The following APPL1 variants were observed in gnomAD, a reference collection of about 807,000 sequenced individuals.
APPL1 encodes adaptor protein, phosphotyrosine interacting with PH domain and leucine zipper 1.
APPL1 carries 42 observed loss-of-function variants against 106.8 expected under a neutral mutation model. That is an observed-to-expected ratio of 0.39 (90% confidence interval 0.31 to 0.51). APPL1 has a LOEUF of 0.51. Among genes scored for constraint, APPL1 ranks in the 20% least tolerant of loss-of-function variants. The pLI is 0.75. For missense variants in APPL1, 769 were observed against 858.2 expected, an observed-to-expected ratio of 0.90 and a Z score of 1.30; for synonymous variants, 263 against 281.8, an observed-to-expected ratio of 0.93 and a Z score of 0.67.
At chr3:57,266,538 A>G (rs377744004) in intron 19 of APPL1, among the ~76,000 whole-genome samples, 1 of 152,250 alleles carries the variant, frequency 6.6e-6, no homozygotes, top group East Asian at 1.9e-4. Flanking sequence ...ATCAATTGTA[A>G]TGTCACCTTT....
At chr3:57,251,969 T>C (rs980373739) in intron 11 of APPL1, among the ~76,000 whole-genome samples, 2 of 152,114 alleles carry the variant, frequency 1.3e-5, no homozygotes, top group Non-Finnish European at 2.9e-5. Flanking sequence ...ATATGATAAG[T>C]TGAAATGCAT....
At chr3:57,233,790 T>A (rs1373523579) in intron 1 of APPL1, among the ~76,000 whole-genome samples, 2 of 151,854 alleles carry the variant, frequency 1.3e-5, no homozygotes, top group Admixed American at 6.6e-5. Context: ...GAAAAAAAAA[T>A]TTTTGGCCAT....
chr3:57,251,763 G>A (rs1310599342), intron 11 of APPL1, among the ~76,000 whole-genome samples: 1 of 151,848 alleles, frequency 6.6e-6, no homozygotes, highest in African/African-American at 2.4e-5. Flanking sequence ...CATTCCTGGT[G>A]TGATGCAAAA....
Position 57,227,882 on chromosome 3 carries a change from C to T in APPL1, c.-2C>T, listed in dbSNP as rs1453847588. ...TCCTGCCACCGCCCTCCCTCCGCCA[C>T]GATGCCGGGGATCGACAAGCTGCCC... On this transcript the variant is annotated 5_prime_UTR_variant, in exon 1 of 22. The change creates a new upstream start codon in the 5' untranslated region. Coordinates refer to ENST00000288266, the MANE Select transcript of APPL1 (RefSeq NM_012096.3). The T allele has an allele frequency of 6.8e-7, 1 of 1,465,058 alleles. No homozygotes were observed. 90.8% of individuals were successfully genotyped at this position (1,465,058 alleles called of 1,614,324 possible).
Position 57,229,326 on chromosome 3 carries a change from C to CT in APPL1, c.54+1399dup, listed in dbSNP as rs879761394. 1.6e-3 allele frequency among the ~76,000 whole-genome samples: 228 copies of CT among 146,298 alleles called. 2 individuals are homozygous for CT. The highest frequency in any genetic ancestry group is 2.3e-3 in the Admixed American group (34 of 14,608). ...GCCTTACCTTTCTTCTCTTACTTGGCTTTTTTTTTTAATAGCCCATAAAGA... is the reference window on the plus strand; with the variant it reads ...GCCTTACCTTTCTTCTCTTACTTGGCTTTTTTTTTTTAATAGCCCATAAAGA... On this transcript the variant is annotated intron_variant, in intron 1 of 21. Coordinates refer to ENST00000288266, the MANE Select transcript of APPL1 (RefSeq NM_012096.3).
At chr3:57,241,317 C>T (rs555622799) in intron 5 of APPL1, among the ~76,000 whole-genome samples, 1 of 152,262 alleles carries the variant, frequency 6.6e-6, no homozygotes, top group South Asian at 2.1e-4. Context: ...GGTACTGGCA[C>T]ATCTAACAAT....
In APPL1 at chr3:57,272,043, G is replaced by C. The variant is rs1559517922; in HGVS notation, c.*2356G>C. On this transcript the variant is annotated 3_prime_UTR_variant, in exon 22 of 22. Transcript: ENST00000288266. ...CTCCTTTGAAATCCCTTCTAGTTCTGAGATGCTTTGAGGGTAACTGGATTC... is the reference window on the plus strand; with the variant it reads ...CTCCTTTGAAATCCCTTCTAGTTCTCAGATGCTTTGAGGGTAACTGGATTC... 1 of 152,160 alleles carries C rather than the reference G, an allele frequency of 6.6e-6. No individual in the cohort carries two copies. The highest frequency in any genetic ancestry group is 1.5e-5 in the Non-Finnish European group (1 of 68,028). 9.4% of individuals were successfully genotyped at this position (152,160 alleles called of 1,614,324 possible).
chr3:57,259,736 A>G, intron 16 of APPL1, 109 bp from the exon 17 acceptor site: 1 of 942,748 alleles, frequency 1.1e-6, no homozygotes, highest in Non-Finnish European at 1.5e-6. Context: ...AGAAAACCTA[A>G]AAGGAGGCAG....
At chr3:57,259,813 A>G in intron 16 of APPL1, 32 bp from the exon 17 acceptor site, 2 of 1,474,738 alleles carry the variant, frequency 1.4e-6, no homozygotes. Flanking sequence ...ACAGTAAAAA[A>G]AAAATATGTA....
chr3:57,237,413 T>A (rs1022365345), intron 2 of APPL1, 79 bp from the exon 3 acceptor site: 1 of 954,656 alleles, frequency 1.0e-6, no homozygotes, highest in Non-Finnish European at 1.6e-6. Context: ...TAAGTGATAA[T>A]AAATAAATTA....
chr3:57,254,286 T>G (rs2060823596), intron 13 of APPL1, among the ~76,000 whole-genome samples: 1 of 152,244 alleles, frequency 6.6e-6, no homozygotes, highest in Non-Finnish European at 1.5e-5. Context: ...AACTCTGCGT[T>G]GAGCACCATG....
chr3:57,256,846 A>G, intron 13 of APPL1, 111 bp from the exon 14 acceptor site: 1 of 815,428 alleles, frequency 1.2e-6, no homozygotes, highest in East Asian at 2.5e-5. Flanking sequence ...AGTAGCTCTA[A>G]TTTATATTTT....
chr3:57,268,141 T>TA, intron 20 of APPL1: 1 of 473,120 alleles, frequency 2.1e-6, no homozygotes, highest in Non-Finnish European at 3.7e-6. Context: ...GAATGTTAAC[T>TA]AAAATAGTAT....
intron 3 of APPL1, 67 bp from the exon 4 acceptor site, chr3:57,237,978 T>G (rs1159180757): frequency 2.5e-5 from 30 of 1,216,150 alleles, no homozygotes; most frequent in Non-Finnish European, 3.2e-5. Context: ...AAAATGTAAA[T>G]TATAGTAATG....
Position 57,252,655 on chromosome 3 carries a change from G to T in APPL1, c.1095+344G>T, listed in dbSNP as rs545650434. ...TCACCAATCCTTTGAGACACTATTTGCTACACTAAGAACATAGTGGCAGCA... is the reference window on the plus strand; with the variant it reads ...TCACCAATCCTTTGAGACACTATTTTCTACACTAAGAACATAGTGGCAGCA... On this transcript the variant is annotated intron_variant, in intron 12 of 21. Transcript: ENST00000288266. Among the ~76,000 whole-genome samples the T allele has an allele frequency of 3.9e-5, 6 of 152,230 alleles. No homozygotes were observed. The East Asian group carries it at 1.2e-3, about 29-fold the overall frequency.
At chr3:57,264,315 C>T (rs1579403296) in intron 19 of APPL1, among the ~76,000 whole-genome samples, 1 of 151,798 alleles carries the variant, frequency 6.6e-6, no homozygotes, top group African/African-American at 2.4e-5. Flanking sequence ...CAAATATTTT[C>T]TCCCATTCTG....
chr3:57,257,334 C>A lies in APPL1; in HGVS notation c.1336C>A (p.Leu446Ile). The change falls in exon 15 of 22, where the codon CTT becomes ATT. Residue 446 changes from leucine (L) to isoleucine (I), a missense_variant. By Grantham distance (5) the Leu-to-Ile change is conservative. Transcript: ENST00000288266. Reference sequence around the variant, plus strand: ...TTTGGCTGCCCTCTCTCTAGATTCTCTTGTTGCCCCAGACACCCCAATACA... The same window carrying A: ...TTTGGCTGCCCTCTCTCTAGATTCTATTGTTGCCCCAGACACCCCAATACA... Reference protein sequence around the residue: ...TNLAALSLDSLVAPDTPIQFD... With the variant: ...TNLAALSLDSIVAPDTPIQFD... 6.2e-7 allele frequency: 1 copy of A among 1,614,116 alleles called. No individual in the cohort carries two copies. Among genetic ancestry groups the A allele is most frequent in the Non-Finnish European group, 8.5e-7 (1 of 1,180,012 alleles).
At position 57,256,869 on chromosome 3, in the gene APPL1, G is replaced by T. The variant is rs1467440090; in HGVS notation, c.1153-88G>T. ...TAATTTATATTTTAAGTGTAACTCA[G>T]AAGCATTCTAACAATTCAGAGTTAC... is the stretch of plus-strand genomic sequence containing the variant. On this transcript the variant is annotated intron_variant, in intron 13 of 21. Coordinates refer to ENST00000288266, the MANE Select transcript of APPL1 (RefSeq NM_012096.3). 8.9e-6 allele frequency: 9 copies of T among 1,015,996 alleles called. No individual in the cohort carries two copies. The East Asian group carries it at 1.9e-4, about 21-fold the overall frequency. 62.9% of individuals were successfully genotyped at this position (1,015,996 alleles called of 1,614,324 possible).
intron 13 of APPL1, among the ~76,000 whole-genome samples, chr3:57,254,403 G>A (rs2060824157): frequency 6.6e-6 from 1 of 152,136 alleles, no homozygotes; most frequent in Non-Finnish European, 1.5e-5. Context: ...AGATAAAACA[G>A]GATGTAACTG....
Sources: gnomAD v4.1 joint callset for allele counts (sites outside exome capture counted in the v4.1 genomes callset) on GRCh38, gnomAD v4.1.1 for gene constraint, MANE v1.5 for transcripts, NCBI Gene and HGNC (gene_info 2026-07-23, HGNC 2026-07-21) for gene names.